The following SLC45A4 variants were observed in gnomAD, a reference collection of about 807,000 sequenced individuals.
SLC45A4 encodes the protein polyamine-transporter SLC45A4.
Under a neutral mutation model 63.7 loss-of-function variants are expected in SLC45A4, and 32 were observed. The observed-to-expected ratio is 0.50, with a 90% CI of 0.38 to 0.67. SLC45A4 has a LOEUF of 0.67. SLC45A4 is among the 30% of genes least tolerant of loss of function. SLC45A4 has a pLI of 0.00. For missense variants in SLC45A4, 1,027 were observed against 1,157.7 expected (o/e 0.89, Z 1.64); for synonymous variants, 535 against 510.0 (o/e 1.05, Z -0.66).
rs1441161315 is a variant in SLC45A4, at chr8:141,256,287, C to T, written c.-400-1658G>A. 6.6e-6 allele frequency among the ~76,000 whole-genome samples: 1 copy of T among 152,188 alleles called. No individual in the cohort carries two copies. The highest frequency in any genetic ancestry group is 1.5e-5 in the Non-Finnish European group (1 of 68,040). ...AAGTGTTAGAGCCCCTAAAAACACA[C>T]CTAAATGGTGTTCACAGTTTATATT... On this transcript the variant is annotated intron_variant, in intron 1 of 8. Coordinates refer to ENST00000517878, the MANE Select transcript of SLC45A4 (RefSeq NM_001286646.2). This position sits in a 1 kb window ranked among gnomAD's most constrained non-coding sequence, Gnocchi z 4.3.
chr8:141,231,982 A>G (rs754744061), intron 2 of SLC45A4, among the ~76,000 whole-genome samples: 1 of 152,244 alleles, frequency 6.6e-6, no homozygotes, highest in African/African-American at 2.4e-5. Context: ...CAGGTCACGT[A>G]GCACTGCCCA....
intron 1 of SLC45A4, among the ~76,000 whole-genome samples, chr8:141,306,166 T>C (rs1830893181): frequency 6.6e-6 from 1 of 151,552 alleles, no homozygotes; most frequent in Non-Finnish European, 1.5e-5. Context: ...AGCAGGCCAC[T>C]CCCCCCACGA....
In SLC45A4 at chr8:141,218,008, C is replaced by T. The variant is rs1826278658; in HGVS notation, c.1629+3G>A. On this transcript the variant is annotated splice_donor_region_variant and intron_variant, in intron 5 of 8. Coordinates refer to ENST00000517878, the MANE Select transcript of SLC45A4 (RefSeq NM_001286646.2). ...GGCCCCGCTCCGGTGGCCGAGCACT[C>T]ACCTTGGGGTCGCCTTCGAAGATGA... 6.3e-7 allele frequency: 1 copy of T among 1,591,694 alleles called. No homozygotes were observed. Among genetic ancestry groups the T allele is most frequent in the Non-Finnish European group, 8.6e-7 (1 of 1,167,876 alleles).
In SLC45A4 at chr8:141,230,817, A is replaced by T. The variant is rs147830068; in HGVS notation, c.242-9052T>A. Reference sequence around the variant, plus strand: ...GAAATGCTGCCAGAGAGCATGTGGCACAGGCGTGGTGAGTGCATTCTGCCA... The same window carrying T: ...GAAATGCTGCCAGAGAGCATGTGGCTCAGGCGTGGTGAGTGCATTCTGCCA... On this transcript the variant is annotated intron_variant, in intron 2 of 8. Transcript: ENST00000517878. 3.0e-4 allele frequency among the ~76,000 whole-genome samples: 46 copies of T among 152,374 alleles called. No homozygotes were observed. The East Asian group carries it at 7.5e-3, about 25-fold the overall frequency.
At chr8:141,247,211 T>C (rs1828254943) in intron 2 of SLC45A4, among the ~76,000 whole-genome samples, 1 of 152,208 alleles carries the variant, frequency 6.6e-6, no homozygotes, top group Non-Finnish European at 1.5e-5. Flanking sequence ...AACTACTAAG[T>C]GAGTTTGGCA....
chr8:141,255,694 C>T (rs1828741030), intron 1 of SLC45A4, among the ~76,000 whole-genome samples: 1 of 151,950 alleles, frequency 6.6e-6, no homozygotes, highest in South Asian at 2.1e-4. Context: ...CCAGCCTGGG[C>T]AACAGAGTGA....
At chr8:141,233,398 A>C (rs1381685687) in intron 2 of SLC45A4, among the ~76,000 whole-genome samples, 1 of 152,230 alleles carries the variant, frequency 6.6e-6, no homozygotes, top group African/African-American at 2.4e-5. Context: ...AAATTAAAAA[A>C]AACACAGCCA....
chr8:141,298,779 A>G lies in SLC45A4; in HGVS notation c.-401+9317T>C, dbSNP rs1232228710. Among the ~76,000 whole-genome samples, 5 of 152,300 alleles carry G rather than the reference A, an allele frequency of 3.3e-5. No homozygotes were observed. The East Asian group carries it at 9.7e-4, about 29-fold the overall frequency. On this transcript the variant is annotated intron_variant, in intron 1 of 8. Transcript: ENST00000517878. ...GTGGGCCAACAGCAGGGCTGGCCACAGAGCCCCCTCCAGCAGCAGCTACCT... is the reference window on the plus strand; with the variant it reads ...GTGGGCCAACAGCAGGGCTGGCCACGGAGCCCCCTCCAGCAGCAGCTACCT...
chr8:141,260,167 T>C (rs1052464759), intron 1 of SLC45A4, among the ~76,000 whole-genome samples: 2 of 152,248 alleles, frequency 1.3e-5, no homozygotes, highest in African/African-American at 4.8e-5. Flanking sequence ...CTGGCATCTA[T>C]ATTGATGAAA....
At position 141,256,623 on chromosome 8, in the gene SLC45A4, C is replaced by A. The variant is rs773948703; in HGVS notation, c.-400-1994G>T. The stretch of plus-strand genomic sequence containing the variant: ...CAGCTCTTCCCTACATCTTCTTTCA[C>A]GCTGCAGCGGAAACCAGAATGCCTA... On this transcript the variant is annotated intron_variant, in intron 1 of 8. Transcript: ENST00000517878. The surrounding 1 kb of genome is among the most constrained non-coding windows in gnomAD (Gnocchi z 4.3). 8 of 456,164 alleles carry A rather than the reference C, an allele frequency of 1.8e-5. No individual in the cohort carries two copies. The East Asian group carries it at 5.6e-4, about 32-fold the overall frequency. 28.3% of individuals were successfully genotyped at this position (456,164 alleles called of 1,614,324 possible). A position where few individuals can be genotyped will look rare whatever the true frequency, so the allele number is the denominator to read the frequency against.
At chr8:141,260,180 A>T (rs1011122438) in intron 1 of SLC45A4, among the ~76,000 whole-genome samples, 1 of 152,230 alleles carries the variant, frequency 6.6e-6, no homozygotes, top group African/African-American at 2.4e-5. Flanking sequence ...TGATGAAAAC[A>T]ACAAATATCT....
rs1274424648 is a variant in SLC45A4 at position 141,215,785 on chromosome 8, G to A, written c.1915C>T (p.Leu639=). ...MSISYCPYAL[L]GQYHDIKQYI... ...TGCTTGATGTCATGGTACTGGCCCA[G>A]CAGGGCGTACGGGCAGTAGGAGATG... The change falls in exon 7 of 9, where the codon CTG becomes TTG. Residue 639 remains leucine, a synonymous_variant. Coordinates refer to ENST00000517878, the MANE Select transcript of SLC45A4 (RefSeq NM_001286646.2). The surrounding 1 kb of genome is among the most constrained non-coding windows in gnomAD (Gnocchi z 4.3). 12 of 1,613,774 alleles carry A rather than the reference G, an allele frequency of 7.4e-6. No homozygotes were observed. Among genetic ancestry groups the A allele is most frequent in the Admixed American group, 1.7e-5 (1 of 60,028 alleles).
At chr8:141,235,832 T>G (rs1356113356) in intron 2 of SLC45A4, among the ~76,000 whole-genome samples, 1 of 152,200 alleles carries the variant, frequency 6.6e-6, no homozygotes, top group Non-Finnish European at 1.5e-5. Flanking sequence ...CCAGGCGTGG[T>G]GGCTCACGCC....
At chr8:141,294,034 T>C (rs1280476924) in intron 1 of SLC45A4, among the ~76,000 whole-genome samples, 1 of 151,656 alleles carries the variant, frequency 6.6e-6, no homozygotes, top group Non-Finnish European at 1.5e-5. Flanking sequence ...TTGAGACATC[T>C]GGTTTGGGGA....
intron 2 of SLC45A4, chr8:141,224,376 G>C (rs1826848746): frequency 6.6e-6 from 1 of 152,218 alleles, no homozygotes; most frequent in Non-Finnish European, 1.5e-5. Context: ...TGAATTTGTA[G>C]ATTTATACGT....
At chr8:141,286,709 C>T (rs1048445054) in intron 1 of SLC45A4, among the ~76,000 whole-genome samples, 7 of 151,622 alleles carry the variant, frequency 4.6e-5, no homozygotes, top group African/African-American at 7.3e-5. Context: ...TTCTTTCCCA[C>T]TTGTTCGCTT....
At position 141,219,816 on chromosome 8, in the gene SLC45A4, G is replaced by A. The variant is rs55714105; in HGVS notation, c.444C>T (p.Gly148=). Residue 148 remains glycine, a synonymous_variant, in exon 4 of 9, where the codon GGC becomes GGT. Transcript: ENST00000517878. ...CAATGGGCTGCCGGTTGGGGACATC[G>A]CCGAGGGCCAGACCTGCGCAGAGCA... ...LNGSAIGLAL[G]DVPNRQPIGI... is the part of the protein sequence containing the mutation. The A allele has an allele frequency of 3.2e-6, 5 of 1,583,684 alleles. No individual in the cohort carries two copies. The highest frequency in any genetic ancestry group is 3.4e-6 in the Non-Finnish European group (4 of 1,166,200).
At chr8:141,307,999 G>A (rs1457118508) in intron 1 of SLC45A4, 97 bp downstream of exon 1, 3 of 151,772 alleles carry the variant, frequency 2.0e-5, no homozygotes, top group Admixed American at 2.0e-4. Flanking sequence ...CCGAGGCTGT[G>A]CGGGAGGTGG....
rs1260018897 is a variant in SLC45A4, at chr8:141,219,698, C to A, written c.562G>T (p.Asp188Tyr). The A allele has an allele frequency of 1.9e-6, 3 of 1,612,624 alleles. No individual in the cohort carries two copies. The South Asian group carries it at 3.3e-5, about 18-fold the overall frequency. ...AGGGCCATGTCCTGCTCCTCGCTGT[C>A]CACCACGTCCAGCAGATAGGCACGG... ...PIRAYLLDVV[D>Y]SEEQDMALNI... The change falls in exon 4 of 9, where the codon GAC (aspartate) becomes TAC (tyrosine). Residue 188 changes from aspartate (D) to tyrosine (Y), a missense_variant. Physicochemically the swap from Asp to Tyr is radical, Grantham distance 160. Transcript: ENST00000517878.
Sources: allele counts gnomAD v4.1 joint callset (sites outside exome capture counted in the v4.1 genomes callset), GRCh38; gene constraint gnomAD v4.1.1; non-coding constraint Gnocchi (gnomAD v3.1); transcripts MANE v1.5; gene names NCBI Gene and HGNC (gene_info 2026-07-23, HGNC 2026-07-21).